DYNC2H1: variants seen among roughly 807,000 people sequenced by gnomAD.
The protein encoded by DYNC2H1 is dynein cytoplasmic 2 heavy chain 1.
A neutral mutation model predicts 570.0 loss-of-function variants in DYNC2H1; 410 were observed. The observed-to-expected ratio is 0.72, with a 90% confidence interval of 0.66 to 0.78. The LOEUF is 0.78. Among genes scored for constraint, DYNC2H1 ranks in the 30% least tolerant of loss-of-function variants. The probability of loss-of-function intolerance (pLI) is 0.00; values close to 1 mark genes in which losing one functional copy is unlikely to be tolerated. For missense variants in DYNC2H1, 4,865 were observed against 5,046.4 expected, an observed-to-expected ratio of 0.96 and a Z score of 1.09; for synonymous variants, 1,688 against 1,677.6, an observed-to-expected ratio of 1.01 and a Z score of -0.15.
intron 82 of DYNC2H1, among the ~76,000 whole-genome samples, chr11:103,354,681 AT>A (rs869123986): frequency 6.6e-6 from 1 of 152,138 alleles, no homozygotes; most frequent in African/African-American, 2.4e-5. Context: ...TTCTCAAAAA[AT>A]AATTTTGCTA....
At chr11:103,427,265 A>G (rs1185308565) in intron 84 of DYNC2H1, among the ~76,000 whole-genome samples, 1 of 152,236 alleles carries the variant, frequency 6.6e-6, no homozygotes, top group Non-Finnish European at 1.5e-5. Flanking sequence ...AAGGAATGTA[A>G]TAGCATGAAG....
chr11:103,421,361 T>C (rs920993186), intron 84 of DYNC2H1, among the ~76,000 whole-genome samples: 1 of 152,096 alleles, frequency 6.6e-6, no homozygotes, highest in African/African-American at 2.4e-5. Flanking sequence ...ATGTGATAGA[T>C]ATCTATACGA....
At chr11:103,270,605 A>T (rs1865670251) in intron 70 of DYNC2H1, among the ~76,000 whole-genome samples, 2 of 138,600 alleles carry the variant, frequency 1.4e-5, no homozygotes, top group Non-Finnish European at 3.2e-5. Context: ...TCTCTCTCGA[A>T]CTATCTTATT....
chr11:103,311,566 A>G (rs1247525662), intron 78 of DYNC2H1, among the ~76,000 whole-genome samples: 2 of 151,196 alleles, frequency 1.3e-5, no homozygotes, highest in Non-Finnish European at 2.9e-5. Context: ...AGTATTATTA[A>G]GTAGTGATTT....
intron 2 of DYNC2H1, 109 bp from the exon 3 acceptor site, chr11:103,113,994 G>C (rs1401654163): frequency 8.1e-7 from 1 of 1,240,472 alleles, no homozygotes; most frequent in East Asian, 2.5e-5. Context: ...ATGAAGTGGA[G>C]GTAGTGGCAG....
chr11:103,450,743 A>G (rs1443959292), intron 85 of DYNC2H1, among the ~76,000 whole-genome samples: 2 of 152,208 alleles, frequency 1.3e-5, no homozygotes, highest in African/African-American at 4.8e-5. Flanking sequence ...AACACAGTGC[A>G]TTAAAACAAA....
intron 65 of DYNC2H1, among the ~76,000 whole-genome samples, chr11:103,246,394 A>G (rs1864619942): frequency 6.6e-6 from 1 of 152,012 alleles, no homozygotes; most frequent in Non-Finnish European, 1.5e-5. Context: ...GGACTCATTA[A>G]ATATAAATCT....
chr11:103,251,217 T>A (rs1013216041), intron 65 of DYNC2H1, among the ~76,000 whole-genome samples: 7 of 152,124 alleles, frequency 4.6e-5, no homozygotes, highest in African/African-American at 1.2e-4. Context: ...GATGCATACA[T>A]TTTTGGAAAT....
Position 103,239,900 on chromosome 11 carries a change from G to A in DYNC2H1, c.9819+3361G>A, listed in dbSNP as rs1378796752. Among the ~76,000 whole-genome samples, 1 of 151,992 alleles carries A rather than the reference G, an allele frequency of 6.6e-6. No homozygotes were observed. Among genetic ancestry groups the A allele is most frequent in the Non-Finnish European group, 1.5e-5 (1 of 67,996 alleles). On this transcript the variant is annotated intron_variant, in intron 63 of 88. Coordinates refer to ENST00000375735, the MANE Select transcript of DYNC2H1 (RefSeq NM_001377.3). The surrounding 1 kb of genome is among the most constrained non-coding windows in gnomAD (Gnocchi z 4.3). ...CCAAGGAGAGAAGAATTTAAATAGA[G>A]ATTATGTATCTTTAGTTTTTAACCT...
intron 82 of DYNC2H1, among the ~76,000 whole-genome samples, chr11:103,350,907 A>T (rs1035934476): frequency 1.3e-5 from 2 of 152,092 alleles, no homozygotes; most frequent in African/African-American, 4.8e-5. Context: ...CCATAATGGG[A>T]GTTAGGGCCT....
intron 52 of DYNC2H1, among the ~76,000 whole-genome samples, chr11:103,206,533 A>T (rs1348544112): frequency 2.0e-5 from 3 of 152,180 alleles, no homozygotes; most frequent in Non-Finnish European, 4.4e-5. Flanking sequence ...TCCAAGACTG[A>T]ACCCTAGGGC....
intron 75 of DYNC2H1, among the ~76,000 whole-genome samples, chr11:103,291,805 G>A (rs978214626): frequency 2.0e-5 from 3 of 152,132 alleles, no homozygotes; most frequent in Non-Finnish European, 4.4e-5. Context: ...ATTACACAAT[G>A]ACTTTGTTGG....
Position 103,399,822 on chromosome 11 carries a change from T to G in DYNC2H1, c.12316T>G (p.Leu4106Val), listed in dbSNP as rs139902197. ...CAGCAAAGTCATCAGAGGAACTACT[T>G]TACTGAGTTCAGAAGTACAAAAATT... Reference protein sequence around the residue: ...ALSKVIRGTTLLSSEVQKLAS... With the variant: ...ALSKVIRGTTVLSSEVQKLAS... The change falls in exon 84 of 89, where the codon TTA becomes GTA. Residue 4106 changes from leucine (L) to valine (V), a missense_variant. Around this residue, in one of 5 missense-constraint regions of DYNC2H1, gnomAD observed 2,401 missense variants for 2,454.6 expected, o/e 0.98. Transcript: ENST00000375735. 1.4e-4 allele frequency: 226 copies of G among 1,613,966 alleles called. 1 individual carries two copies. In the East Asian group the frequency reaches 4.8e-3, roughly 34 times the overall value.
intron 57 of DYNC2H1, 137 bp from the exon 58 acceptor site, chr11:103,221,893 G>T: frequency 1.2e-6 from 1 of 815,264 alleles, no homozygotes; most frequent in East Asian, 2.7e-5. Flanking sequence ...TACATTAGAA[G>T]CTTAAAGGTT....
Position 103,185,430 on chromosome 11 carries a change from G to A in DYNC2H1, c.6633+379G>A, listed in dbSNP as rs1862025911. Among the ~76,000 whole-genome samples the A allele has an allele frequency of 6.6e-6, 1 of 151,634 alleles. No individual in the cohort carries two copies. Among genetic ancestry groups the A allele is most frequent in the Admixed American group, 6.6e-5 (1 of 15,158 alleles). On this transcript the variant is annotated intron_variant, in intron 41 of 88. Transcript: ENST00000375735. This position sits in a 1 kb window ranked among gnomAD's most constrained non-coding sequence, Gnocchi z 4.5. ...GCAGTTTTAGGAATTGGGAATATTA[G>A]GATGAATTAATTATTAATAAATATT...
In DYNC2H1 at chr11:103,163,258, A is replaced by T. The variant is rs1861172565; in HGVS notation, c.4611+111A>T. 7.8e-7 allele frequency: 1 copy of T among 1,277,256 alleles called. No individual in the cohort carries two copies. Among genetic ancestry groups the T allele is most frequent in the Non-Finnish European group, 1.0e-6 (1 of 956,660 alleles). The allele number at this position is 1,277,256 out of a possible 1,614,324, so 79.1% of individuals were successfully genotyped here. ...CATCTGTTTTCTCCCTTTATCTAAC[A>T]GTTAACGGACAAATTGCTTAACTTC... On this transcript the variant is annotated intron_variant, in intron 30 of 88. Coordinates refer to ENST00000375735, the MANE Select transcript of DYNC2H1 (RefSeq NM_001377.3). This position sits in a 1 kb window ranked among gnomAD's most constrained non-coding sequence, Gnocchi z 4.6.
chr11:103,134,789 T>A (rs1317341917), intron 15 of DYNC2H1, among the ~76,000 whole-genome samples: 1 of 152,080 alleles, frequency 6.6e-6, no homozygotes, highest in Admixed American at 6.6e-5. Flanking sequence ...AATAATTTTA[T>A]TCCAGATTTT....
rs1325023746 is a variant in DYNC2H1 at position 103,249,969 on chromosome 11, A to G, written c.10043-3316A>G. 6.6e-6 allele frequency among the ~76,000 whole-genome samples: 1 copy of G among 152,098 alleles called. No homozygotes were observed. The highest frequency in any genetic ancestry group is 1.5e-5 in the Non-Finnish European group (1 of 67,986). On this transcript the variant is annotated intron_variant, in intron 65 of 88. Coordinates refer to ENST00000375735, the MANE Select transcript of DYNC2H1 (RefSeq NM_001377.3). This position sits in a 1 kb window ranked among gnomAD's most constrained non-coding sequence, Gnocchi z 4.6. ...TTTATAAATCGCCTAACACAAGCCA[A>G]AATCCTCTAACAAGCCTCTATTAAG...
intron 70 of DYNC2H1, among the ~76,000 whole-genome samples, chr11:103,266,800 C>T (rs1865524381): frequency 6.6e-6 from 1 of 152,150 alleles, no homozygotes; most frequent in African/African-American, 2.4e-5. Flanking sequence ...GGCTGCCCTG[C>T]AAGCAGGCGT....
Sources: allele counts gnomAD v4.1 joint callset (sites outside exome capture counted in the v4.1 genomes callset), GRCh38; gene constraint gnomAD v4.1.1; regional missense constraint gnomAD v4.1.1; non-coding constraint Gnocchi (gnomAD v3.1); transcripts MANE v1.5; gene names NCBI Gene and HGNC (gene_info 2026-07-23, HGNC 2026-07-21).